Variants in MROH2B observed in about 807,000 individuals in gnomAD.
MROH2B encodes maestro heat-like repeat-containing protein family member 2B.
Under a neutral mutation model 208.6 loss-of-function variants are expected in MROH2B, and 177 were observed. The observed-to-expected ratio is 0.85, with a 90% CI of 0.75 to 0.96. The LOEUF is 0.96. MROH2B is among the 40% of genes least tolerant of loss of function. The pLI, the probability that MROH2B is intolerant of heterozygous loss-of-function variation, is 0.00. For missense variants in MROH2B, 2,002 were observed against 1,878.7 expected (o/e 1.07, Z -1.21); for synonymous variants, 728 against 659.0 (o/e 1.10, Z -1.60).
intron 37 of MROH2B, 37 bp downstream of exon 37, chr5:41,004,309 C>A: frequency 1.2e-6 from 2 of 1,600,374 alleles, no homozygotes; most frequent in South Asian, 1.1e-5. Context: ...TGTTCACTCA[C>A]TTCTGGGGAG....
Position 41,015,260 on chromosome 5 carries a change from G to T in MROH2B, c.2982+121C>A, listed in dbSNP as rs1038681841. 2.8e-5 allele frequency: 22 copies of T among 793,662 alleles called. No individual in the cohort carries two copies. In the South Asian group the frequency reaches 3.9e-4, roughly 14 times the overall value. 49.2% of individuals were successfully genotyped at this position (793,662 alleles called of 1,614,324 possible). On this transcript the variant is annotated intron_variant, in intron 29 of 41. Coordinates refer to ENST00000399564, the MANE Select transcript of MROH2B (RefSeq NM_173489.5). ...GTGTACTCTAAGTTAGAAAATGACAGGACCACGGGTCCCTCATTCAGCTTG... is the reference window on the plus strand; with the variant it reads ...GTGTACTCTAAGTTAGAAAATGACATGACCACGGGTCCCTCATTCAGCTTG...
At chr5:41,055,706 G>T in intron 10 of MROH2B, 36 bp downstream of exon 10, 1 of 1,532,574 alleles carries the variant, frequency 6.5e-7, no homozygotes, top group South Asian at 1.1e-5. Context: ...TTCTTGGCAT[G>T]AAATAAACCA....
Position 41,000,324 on chromosome 5 carries a change from T to C in MROH2B, c.4378A>G (p.Ile1460Val). The stretch of plus-strand genomic sequence containing the variant: ...AGCTCCTGGAGGCCCAAAAAGGGAA[T>C]GCAGACCATCAAGACATCACGGCAA... ...VACRDVLMVC[I>V]PFLGLQELYG... The change falls in exon 39 of 42, where the codon ATT becomes GTT. Residue 1460 changes from isoleucine (I) to valine (V), a missense_variant. Coordinates refer to ENST00000399564, the MANE Select transcript of MROH2B (RefSeq NM_173489.5). The C allele has an allele frequency of 6.2e-7, 1 of 1,613,844 alleles. No homozygotes were observed. Among genetic ancestry groups the C allele is most frequent in the Non-Finnish European group, 8.5e-7 (1 of 1,179,812 alleles).
At chr5:41,024,028 A>T (rs1414041388) in intron 24 of MROH2B, among the ~76,000 whole-genome samples, 1 of 152,244 alleles carries the variant, frequency 6.6e-6, no homozygotes, top group Non-Finnish European at 1.5e-5. Flanking sequence ...AGAGCTCCTG[A>T]AGGAAGCACT....
At chr5:41,037,960 G>T (rs1742816154) in intron 21 of MROH2B, among the ~76,000 whole-genome samples, 1 of 152,096 alleles carries the variant, frequency 6.6e-6, no homozygotes, top group Non-Finnish European at 1.5e-5. Flanking sequence ...CAAACAAAAT[G>T]CTATGGAAGA....
intron 37 of MROH2B, 143 bp downstream of exon 37, chr5:41,004,203 A>G (rs1741492441): frequency 1.2e-6 from 1 of 861,574 alleles, no homozygotes; most frequent in African/African-American, 1.7e-5. Context: ...AACAGCTTGT[A>G]TAGAGATTGT....
Position 41,008,718 on chromosome 5 carries a change from G to A in MROH2B, c.3496C>T (p.Leu1166Phe), listed in dbSNP as rs1162321087. 4.3e-6 allele frequency: 7 copies of A among 1,613,902 alleles called. No homozygotes were observed. The highest frequency in any genetic ancestry group is 5.9e-6 in the Non-Finnish European group (7 of 1,179,844). The change falls in exon 33 of 42, where the codon CTC becomes TTC. Residue 1166 changes from leucine (L) to phenylalanine (F), a missense_variant. Physicochemically the swap from Leu to Phe is conservative, Grantham distance 22. Transcript: ENST00000399564. ...AGTGTGCAGCTAACCAGCTTCAGGAGGAGAGTGAACAGCTCTGGATACAAG... is the reference window on the plus strand; with the variant it reads ...AGTGTGCAGCTAACCAGCTTCAGGAAGAGAGTGAACAGCTCTGGATACAAG... ...TGLYPELFTL[L>F]LKLVSCTLGQ...
At chr5:40,998,802 A>G (rs922922516) in intron 40 of MROH2B, 125 bp from the exon 41 acceptor site, 1 of 731,464 alleles carries the variant, frequency 1.4e-6, no homozygotes, top group Non-Finnish European at 2.3e-6. Flanking sequence ...AGCAAACTAT[A>G]TGACTTCCTT....
chr5:41,006,358 C>T (rs1365791565), intron 34 of MROH2B, among the ~76,000 whole-genome samples: 2 of 151,750 alleles, frequency 1.3e-5, no homozygotes, highest in East Asian at 1.9e-4. Flanking sequence ...GCATGGATGC[C>T]GTGAAAAGAG....
At chr5:41,027,241 G>T (rs1026411708) in intron 24 of MROH2B, among the ~76,000 whole-genome samples, 2 of 152,148 alleles carry the variant, frequency 1.3e-5, no homozygotes, top group Non-Finnish European at 2.9e-5. Context: ...TACCATCAGA[G>T]TGAACAGACA....
intron 12 of MROH2B, 83 bp downstream of exon 12, chr5:41,052,382 C>A (rs1174891892): frequency 1.5e-6 from 2 of 1,344,388 alleles, no homozygotes; most frequent in African/African-American, 1.5e-5. Flanking sequence ...GATTAAGGAT[C>A]CTAATCATTT....
intron 38 of MROH2B, 69 bp downstream of exon 38, chr5:41,000,609 A>G: frequency 6.6e-7 from 1 of 1,519,586 alleles, no homozygotes; most frequent in Non-Finnish European, 8.8e-7. Flanking sequence ...GTGCAGCTAG[A>G]CCAGGCTTAT....
At chr5:41,053,774 A>G (rs1336096023) in intron 11 of MROH2B, among the ~76,000 whole-genome samples, 1 of 152,226 alleles carries the variant, frequency 6.6e-6, no homozygotes, top group Middle Eastern at 3.4e-3. Context: ...GTTTTTTTGT[A>G]TAATCACTCT....
chr5:41,028,027 A>G (rs1019259553), intron 24 of MROH2B, among the ~76,000 whole-genome samples: 27 of 142,136 alleles, frequency 1.9e-4, no homozygotes, highest in South Asian at 9.3e-4. Context: ...ATCACACACC[A>G]GGGCCCGTCG....
intron 30 of MROH2B, 144 bp downstream of exon 30, chr5:41,012,439 C>G: frequency 4.2e-6 from 3 of 720,642 alleles, no homozygotes; most frequent in Non-Finnish European, 4.3e-6. Flanking sequence ...GTTAAACACA[C>G]AACGTAGGTC....
At chr5:41,052,888 C>A (rs1045004388) in intron 11 of MROH2B, among the ~76,000 whole-genome samples, 2 of 152,048 alleles carry the variant, frequency 1.3e-5, no homozygotes, top group Non-Finnish European at 2.9e-5. Flanking sequence ...TTGAGCATGA[C>A]CTTTGAGTGT....
In MROH2B at chr5:41,018,950, A is replaced by G; in HGVS notation, c.2510T>C (p.Leu837Pro). Reference protein sequence around the residue: ...NILEENIRRLLPLPPLENLKS... With the variant: ...NILEENIRRLPPLPPLENLKS... Reference sequence around the variant, plus strand: ...CAGATTTTCCAGAGGTGGAAGGGGCAGCAGCCTCCGAATATTCTCCTCAAG... The same window carrying G: ...CAGATTTTCCAGAGGTGGAAGGGGCGGCAGCCTCCGAATATTCTCCTCAAG... The change falls in exon 25 of 42, where the codon CTG becomes CCG. Residue 837 changes from leucine (L) to proline (P), a missense_variant. Physicochemically the swap from Leu to Pro is moderately conservative, Grantham distance 98. Coordinates refer to ENST00000399564, the MANE Select transcript of MROH2B (RefSeq NM_173489.5). 1.2e-6 allele frequency: 2 copies of G among 1,613,892 alleles called. No homozygotes were observed. Among genetic ancestry groups the G allele is most frequent in the Non-Finnish European group, 1.7e-6 (2 of 1,179,872 alleles).
At chr5:41,042,859 C>G (rs371643703) in intron 18 of MROH2B, among the ~76,000 whole-genome samples, 3 of 152,220 alleles carry the variant, frequency 2.0e-5, no homozygotes, top group Non-Finnish European at 4.4e-5. Flanking sequence ...CCTGCTTCAG[C>G]CTCCTGAAGT....
intron 26 of MROH2B, 56 bp from the exon 27 acceptor site, chr5:41,018,486 T>C (rs1687582249): frequency 1.3e-6 from 2 of 1,556,986 alleles, no homozygotes; most frequent in Non-Finnish European, 1.7e-6. Flanking sequence ...TCATCTAGTT[T>C]CATATTCTCT....
Sources: allele counts gnomAD v4.1 joint callset (sites outside exome capture counted in the v4.1 genomes callset), GRCh38; gene constraint gnomAD v4.1.1; transcripts MANE v1.5; gene names NCBI Gene and HGNC (gene_info 2026-07-23, HGNC 2026-07-21).